The following CFAP91 variants were observed in gnomAD, a reference collection of about 807,000 sequenced individuals.
CFAP91 encodes cilia- and flagella-associated protein 91.
In CFAP91, 85 loss-of-function variants were observed where a neutral mutation model predicts 95.9. The observed-to-expected ratio is 0.89, with a 90% CI of 0.74 to 1.06. The LOEUF is 1.06. Ranked by LOEUF, CFAP91 falls within the 50% of genes least tolerant of loss-of-function variation. The probability of loss-of-function intolerance (pLI) is 0.00; values close to 1 mark genes in which losing one functional copy is unlikely to be tolerated. For missense variants in CFAP91, 962 were observed against 943.4 expected (o/e 1.02, Z -0.26); for synonymous variants, 335 against 327.5 (o/e 1.02, Z -0.25).
At chr3:119,740,147 C>T (rs1244600891) in intron 12 of CFAP91, among the ~76,000 whole-genome samples, 1 of 152,152 alleles carries the variant, frequency 6.6e-6, no homozygotes, top group Non-Finnish European at 1.5e-5. Context: ...CAGTTAAATT[C>T]AGACAACAGA....
At chr3:119,706,154 G>A (rs1468890923) in intron 1 of CFAP91, 3 of 152,170 alleles carry the variant, frequency 2.0e-5, no homozygotes, top group Non-Finnish European at 4.4e-5. Context: ...TTAAAGGGTG[G>A]TACAGTATAG....
chr3:119,728,178 A>C (rs1330893901), intron 7 of CFAP91, among the ~76,000 whole-genome samples: 1 of 152,174 alleles, frequency 6.6e-6, no homozygotes, highest in Non-Finnish European at 1.5e-5. Flanking sequence ...TATCAGATGA[A>C]GAAGAAGATA....
intron 1 of CFAP91, chr3:119,706,217 T>G (rs544125598): frequency 4.6e-5 from 7 of 152,630 alleles, no homozygotes; most frequent in South Asian, 2.1e-4. Context: ...AAACAGATAC[T>G]TATAATAGCA....
At chr3:119,703,799 C>G (rs935159306) in intron 1 of CFAP91, among the ~76,000 whole-genome samples, 1 of 152,138 alleles carries the variant, frequency 6.6e-6, no homozygotes, top group African/African-American at 2.4e-5. Flanking sequence ...CTCCACGCTC[C>G]TTGAGTTCCT....
At chr3:119,733,990 G>C (rs949304645) in intron 10 of CFAP91, among the ~76,000 whole-genome samples, 1 of 152,072 alleles carries the variant, frequency 6.6e-6, no homozygotes, top group Non-Finnish European at 1.5e-5. Context: ...TTTCCCTTTT[G>C]GTAGCTGGAC....
chr3:119,732,269 G>T, intron 8 of CFAP91, 25 bp from the exon 9 acceptor site: 1 of 1,556,154 alleles, frequency 6.4e-7, no homozygotes, highest in Non-Finnish European at 8.8e-7. Flanking sequence ...TTTAGAGATA[G>T]TCATGGAGGT....
chr3:119,707,631 G>A (rs2053393342), intron 3 of CFAP91, 70 bp downstream of exon 3: 1 of 1,397,526 alleles, frequency 7.2e-7, no homozygotes. Flanking sequence ...CATTTACCAT[G>A]TGTGGTTTTA....
intron 4 of CFAP91, among the ~76,000 whole-genome samples, chr3:119,708,983 A>G (rs2053426561): frequency 6.6e-6 from 1 of 152,230 alleles, no homozygotes; most frequent in African/African-American, 2.4e-5. Context: ...ATTGCAACTA[A>G]GAATATGTAT....
chr3:119,759,979 A>G (rs1420822914), intron 17 of CFAP91, among the ~76,000 whole-genome samples: 1 of 151,948 alleles, frequency 6.6e-6, no homozygotes, highest in East Asian at 1.9e-4. Context: ...ATAAGGACCT[A>G]CAAAACAACC....
At chr3:119,742,562 G>C (rs1322217569) in intron 13 of CFAP91, among the ~76,000 whole-genome samples, 1 of 152,234 alleles carries the variant, frequency 6.6e-6, no homozygotes, top group African/African-American at 2.4e-5. Flanking sequence ...GGTTGCACCT[G>C]ACCCTGAGTG....
chr3:119,725,978 C>G (rs772749062), intron 6 of CFAP91, among the ~76,000 whole-genome samples, 193 bp from the exon 7 acceptor site: 8 of 152,284 alleles, frequency 5.3e-5, no homozygotes, highest in South Asian at 4.1e-4. Flanking sequence ...GGCTCAATTA[C>G]TAGCAAGAGG....
chr3:119,727,768 G>C (rs2053811970), intron 7 of CFAP91, among the ~76,000 whole-genome samples: 1 of 152,184 alleles, frequency 6.6e-6, no homozygotes, highest in South Asian at 2.1e-4. Flanking sequence ...TCTATTTAAA[G>C]TGGGCGATTT....
intron 6 of CFAP91, among the ~76,000 whole-genome samples, chr3:119,722,637 C>T (rs2053708546): frequency 6.6e-6 from 1 of 152,054 alleles, no homozygotes. Flanking sequence ...CACAAGTCCA[C>T]ACCACCATGC....
chr3:119,735,656 T>C (rs2053986870), intron 10 of CFAP91, among the ~76,000 whole-genome samples: 2 of 152,186 alleles, frequency 1.3e-5, no homozygotes, highest in Non-Finnish European at 2.9e-5. Context: ...TATATGATTA[T>C]ACATGTAAAA....
chr3:119,764,866 G>A (rs1335642732), intron 17 of CFAP91, among the ~76,000 whole-genome samples, 186 bp from the exon 18 acceptor site: 1 of 152,136 alleles, frequency 6.6e-6, no homozygotes, highest in East Asian at 1.9e-4. Context: ...CTGACACACT[G>A]TGAAGTAAGA....
intron 1 of CFAP91, among the ~76,000 whole-genome samples, chr3:119,703,974 G>A (rs1418552898): frequency 6.6e-6 from 1 of 152,170 alleles, no homozygotes; most frequent in Non-Finnish European, 1.5e-5. Flanking sequence ...GCAATCCCAG[G>A]TTTTTCACCT....
At chr3:119,705,591 A>G (rs565086222) in intron 1 of CFAP91, among the ~76,000 whole-genome samples, 1 of 152,316 alleles carries the variant, frequency 6.6e-6, no homozygotes, top group Non-Finnish European at 1.5e-5. Context: ...GTCTCCTTAC[A>G]TGCCACCTTC....
At chr3:119,753,805 A>T (rs982863445) in intron 17 of CFAP91, among the ~76,000 whole-genome samples, 1 of 152,040 alleles carries the variant, frequency 6.6e-6, no homozygotes, top group African/African-American at 2.4e-5. Flanking sequence ...TTTATCCCTC[A>T]TCCCCTTCCC....
intron 11 of CFAP91, among the ~76,000 whole-genome samples, chr3:119,738,570 A>T (rs2054057546): frequency 6.6e-6 from 1 of 151,476 alleles, no homozygotes; most frequent in African/African-American, 2.4e-5. Flanking sequence ...GCTTGTCTCA[A>T]ACTCTTGACC....
Sources: allele counts gnomAD v4.1 joint callset (sites outside exome capture counted in the v4.1 genomes callset), GRCh38; gene constraint gnomAD v4.1.1; transcripts MANE v1.5; gene names NCBI Gene and HGNC (gene_info 2026-07-23, HGNC 2026-07-21).